Variants in VWA3B observed in about 807,000 individuals in gnomAD.
VWA3B encodes the protein von Willebrand factor A domain-containing protein 3B.
A neutral mutation model predicts 158.3 loss-of-function variants in VWA3B; 138 were observed. The observed-to-expected ratio is 0.87, with a 90% CI of 0.76 to 1.00. The LOEUF is 1.00. VWA3B is among the 50% of genes least tolerant of loss of function. VWA3B has a pLI of 0.00. For synonymous variants in VWA3B, 596 were observed against 587.3 expected (o/e 1.01, Z -0.21); for missense variants, 1,555 against 1,565.1 (o/e 0.99, Z 0.11).
At chr2:98,169,749 G>GTT (rs1679421601) in intron 8 of VWA3B, among the ~76,000 whole-genome samples, 3 of 151,660 alleles carry the variant, frequency 2.0e-5, no homozygotes, top group Admixed American at 6.6e-5. Flanking sequence ...GTGTGTGTGT[G>GTT]TGTGTGTGTG....
chr2:98,164,727 T>C (rs546712255), intron 8 of VWA3B, among the ~76,000 whole-genome samples: 1 of 152,352 alleles, frequency 6.6e-6, no homozygotes, highest in South Asian at 2.1e-4. Flanking sequence ...TCTGAGTAAA[T>C]GAAAGCACTT....
rs749868563 is a variant in VWA3B at position 98,162,862 on chromosome 2, AGAGAGGACGTGTT to A, written c.1001_1013del (p.Arg334IlefsTer62). 11 of 1,613,564 alleles carry A rather than the reference AGAGAGGACGTGTT, an allele frequency of 6.8e-6. No homozygotes were observed. Among genetic ancestry groups the A allele is most frequent in the Middle Eastern group, 1.8e-4 (1 of 5,710 alleles). On this transcript the variant is annotated frameshift_variant, in exon 8 of 28. Transcript: ENST00000477737. LOFTEE classifies it high-confidence loss of function. The stretch of plus-strand genomic sequence containing the variant: ...GTCTCCCCTTTTAGGAGCTGGAGTC[AGAGAGGACGTGTT>A]TCTCGTTTGGCAAGAGATGGAGGAA...
At chr2:98,270,533 C>T (rs1688134162) in intron 21 of VWA3B, 149 bp from the exon 22 acceptor site, 3 of 745,298 alleles carry the variant, frequency 4.0e-6, no homozygotes, top group Non-Finnish European at 6.4e-6. Context: ...GGCTATGATG[C>T]TGTCATCTGA....
intron 16 of VWA3B, 124 bp from the exon 17 acceptor site, chr2:98,234,524 C>A (rs2105724300): frequency 1.4e-6 from 2 of 1,413,468 alleles, no homozygotes; most frequent in South Asian, 1.4e-5. Flanking sequence ...GCAGCACCAT[C>A]CTCAGAGGGT....
chr2:98,179,276 A>G (rs1258411546), intron 8 of VWA3B: 1 of 471,164 alleles, frequency 2.1e-6, no homozygotes, highest in South Asian at 1.5e-5. Flanking sequence ...ATCTGGAAAA[A>G]TAGTTTTCTG....
intron 9 of VWA3B, among the ~76,000 whole-genome samples, chr2:98,181,848 A>G (rs1434008716): frequency 1.3e-5 from 2 of 152,220 alleles, no homozygotes; most frequent in African/African-American, 4.8e-5. Flanking sequence ...AATGTGGCTC[A>G]AGAATTTGCA....
intron 8 of VWA3B, among the ~76,000 whole-genome samples, chr2:98,176,750 AAGAAAGTCTTAC>A (rs1223411865): frequency 6.6e-6 from 1 of 152,210 alleles, no homozygotes; most frequent in Non-Finnish European, 1.5e-5. Context: ...CCATTCCCCT[AAGAAAGTCTTAC>A]AGAAGTCCTG....
the VWA3B span, among the ~76,000 whole-genome samples, chr2:98,325,246 A>G: frequency 1.3e-4 from 20 of 152,364 alleles, no homozygotes; most frequent in East Asian, 3.7e-3. Flanking sequence ...TGAAAACCAA[A>G]CAAGGAGAAA....
intron 5 of VWA3B, among the ~76,000 whole-genome samples, chr2:98,126,220 C>T (rs754071155): frequency 2.6e-5 from 4 of 152,268 alleles, no homozygotes; most frequent in African/African-American, 9.6e-5. Flanking sequence ...GATGAAATCT[C>T]AAGGGAAAAA....
intron 7 of VWA3B, among the ~76,000 whole-genome samples, chr2:98,160,341 T>C (rs1004224649): frequency 2.0e-5 from 3 of 152,242 alleles, no homozygotes; most frequent in African/African-American, 4.8e-5. Flanking sequence ...TTTTCTTTTC[T>C]TTTGTTTTTA....
intron 21 of VWA3B, among the ~76,000 whole-genome samples, chr2:98,260,609 A>G (rs1430736710): frequency 1.3e-5 from 2 of 151,724 alleles, no homozygotes; most frequent in African/African-American, 2.4e-5. Context: ...TTTGGCTTCC[A>G]TAGGGGGTGC....
intron 22 of VWA3B, among the ~76,000 whole-genome samples, chr2:98,288,537 T>C (rs899910610): frequency 6.6e-6 from 1 of 152,218 alleles, no homozygotes; most frequent in Non-Finnish European, 1.5e-5. Flanking sequence ...TTCATTCATA[T>C]AGAAAATAAA....
rs78618383 is a variant in VWA3B at position 98,135,083 on chromosome 2, G to T, written c.988+1144G>T. Reference sequence around the variant, plus strand: ...GAAATTAATTCAGGATATATGTCATGCCTATTGAAAGTAATTTACAAGATT... The same window carrying T: ...GAAATTAATTCAGGATATATGTCATTCCTATTGAAAGTAATTTACAAGATT... On this transcript the variant is annotated intron_variant, in intron 7 of 27. Transcript: ENST00000477737. 5.1e-3 allele frequency among the ~76,000 whole-genome samples: 772 copies of T among 152,278 alleles called. 16 individuals carry two copies. In the East Asian group the frequency reaches 0.088, roughly 17 times the overall value.
At chr2:98,323,366 T>C in the VWA3B span, among the ~76,000 whole-genome samples, 3 of 151,714 alleles carry the variant, frequency 2.0e-5, no homozygotes, top group Non-Finnish European at 4.4e-5. Flanking sequence ...TTGATAAAAT[T>C]TACTCAATCC....
chr2:98,246,818 A>G (rs1003428855), intron 19 of VWA3B, among the ~76,000 whole-genome samples: 7 of 152,148 alleles, frequency 4.6e-5, no homozygotes, highest in Non-Finnish European at 8.8e-5. Context: ...GATTTTATCT[A>G]TCTTGATTTA....
intron 19 of VWA3B, among the ~76,000 whole-genome samples, chr2:98,246,880 G>A (rs1382355812): frequency 1.3e-5 from 2 of 151,700 alleles, no homozygotes; most frequent in Non-Finnish European, 2.9e-5. Flanking sequence ...TTGTAAATAC[G>A]AATATATTTG....
chr2:98,288,328 G>A (rs1384106095), intron 22 of VWA3B, among the ~76,000 whole-genome samples: 1 of 152,160 alleles, frequency 6.6e-6, no homozygotes, highest in African/African-American at 2.4e-5. Flanking sequence ...ACCATCTGTG[G>A]GCAGTAGTTT....
chr2:98,250,294 C>T (rs1686715066), intron 19 of VWA3B, 24 bp from the exon 20 acceptor site: 1 of 1,590,826 alleles, frequency 6.3e-7, no homozygotes, highest in Non-Finnish European at 8.6e-7. Flanking sequence ...TGACACTTTC[C>T]TTTCCTTTGC....
chr2:98,241,685 G>A (rs1481395432), intron 19 of VWA3B, among the ~76,000 whole-genome samples: 2 of 151,986 alleles, frequency 1.3e-5, no homozygotes, highest in Non-Finnish European at 2.9e-5. Context: ...TCTGCCTCTA[G>A]AACACAAAGC....
Sources: allele counts gnomAD v4.1 joint callset (sites outside exome capture counted in the v4.1 genomes callset), GRCh38; gene constraint gnomAD v4.1.1; transcripts MANE v1.5; gene names NCBI Gene and HGNC (gene_info 2026-07-23, HGNC 2026-07-21).